Variants in ATP2B2 observed in about 807,000 individuals in gnomAD.
ATP2B2 encodes the protein plasma membrane calcium-transporting ATPase 2.
Under a neutral mutation model 120.0 loss-of-function variants are expected in ATP2B2, and 15 were observed. The ratio of observed to expected loss-of-function variants is 0.12; its 90% CI spans 0.08 to 0.19. ATP2B2 has a LOEUF of 0.19. Ranked by LOEUF, ATP2B2 falls within the 10% of genes least tolerant of loss-of-function variation. The probability of loss-of-function intolerance (pLI) is 1.00; values close to 1 mark genes in which losing one functional copy is unlikely to be tolerated. For synonymous variants in ATP2B2, 694 were observed against 700.3 expected (o/e 0.99, Z 0.14); for missense variants, 1,045 against 1,719.8 (o/e 0.61, Z 6.94).
intron 2 of ATP2B2, among the ~76,000 whole-genome samples, chr3:10,607,829 T>C (rs2069127251): frequency 6.6e-6 from 1 of 152,190 alleles, no homozygotes; most frequent in South Asian, 2.1e-4. Context: ...TGGCATTGAC[T>C]CAGCATCACC....
chr3:10,562,029 T>G (rs935242328), intron 2 of ATP2B2, among the ~76,000 whole-genome samples: 4 of 152,156 alleles, frequency 2.6e-5, no homozygotes, highest in African/African-American at 9.7e-5. Flanking sequence ...CCTTGTTCAT[T>G]TTAGAACATG....
intron 2 of ATP2B2, among the ~76,000 whole-genome samples, chr3:10,566,964 T>A (rs1423077410): frequency 2.0e-5 from 3 of 152,302 alleles, no homozygotes; most frequent in South Asian, 2.1e-4. Flanking sequence ...CAATAAGACA[T>A]CCGACACTGT....
At chr3:10,704,273 C>T (rs778991909) in intron 1 of ATP2B2, among the ~76,000 whole-genome samples, 10 of 152,202 alleles carry the variant, frequency 6.6e-5, no homozygotes, top group African/African-American at 9.7e-5. Flanking sequence ...AATAGATACA[C>T]ATGGAAAAGC....
intron 2 of ATP2B2, among the ~76,000 whole-genome samples, chr3:10,612,676 T>C (rs1196467853): frequency 6.6e-6 from 1 of 152,238 alleles, no homozygotes; most frequent in East Asian, 1.9e-4. Flanking sequence ...CAACTGCCTG[T>C]GCCACATTTC....
At position 10,345,380 on chromosome 3, in the gene ATP2B2, C is replaced by T; in HGVS notation, c.2703+4G>A. 2.5e-6 allele frequency: 4 copies of T among 1,614,162 alleles called. No individual in the cohort carries two copies. Among genetic ancestry groups the T allele is most frequent in the Non-Finnish European group, 3.4e-6 (4 of 1,180,000 alleles). On this transcript the variant is annotated splice_donor_region_variant and intron_variant, in intron 18 of 22. Coordinates refer to ENST00000360273, the MANE Select transcript of ATP2B2 (RefSeq NM_001001331.4). ...GGCTTTGGTGTGGTCTCCTGCGGAC[C>T]CACCTGCGTGATGCAGGCGCCTGTG...
chr3:10,461,957 C>A (rs1188903470), intron 1 of ATP2B2, among the ~76,000 whole-genome samples: 2 of 152,152 alleles, frequency 1.3e-5, no homozygotes, highest in African/African-American at 4.8e-5. Flanking sequence ...TGGCACCTCC[C>A]TTCCTTCTTC....
chr3:10,467,453 C>T (rs981338388), intron 1 of ATP2B2, among the ~76,000 whole-genome samples: 2 of 152,162 alleles, frequency 1.3e-5, no homozygotes, highest in African/African-American at 4.8e-5. Context: ...GGGGCTTGAC[C>T]GCTCATGCCC....
intron 2 of ATP2B2, among the ~76,000 whole-genome samples, chr3:10,594,602 G>T (rs1016955789): frequency 1.3e-5 from 2 of 151,508 alleles, no homozygotes; most frequent in Non-Finnish European, 2.9e-5. Flanking sequence ...AGCATTAGGC[G>T]ATATACCTAA....
chr3:10,424,599 A>G (rs2063089462), intron 2 of ATP2B2, among the ~76,000 whole-genome samples: 1 of 152,224 alleles, frequency 6.6e-6, no homozygotes, highest in Admixed American at 6.5e-5. Context: ...CAAAAAATCC[A>G]CAAGTCCTTC....
chr3:10,509,678 G>A (rs868056446), upstream of ATP2B2, among the ~76,000 whole-genome samples: 9 of 152,186 alleles, frequency 5.9e-5, no homozygotes, highest in Admixed American at 2.6e-4. Flanking sequence ...TTGACGGGCC[G>A]TGGACTGTGG....
At chr3:10,468,137 A>G (rs980897975) in intron 1 of ATP2B2, among the ~76,000 whole-genome samples, 1 of 152,222 alleles carries the variant, frequency 6.6e-6, no homozygotes, top group African/African-American at 2.4e-5. Flanking sequence ...AGATGGAAAG[A>G]CAGGGCCACC....
intron 2 of ATP2B2, among the ~76,000 whole-genome samples, chr3:10,607,758 T>A (rs969015846): frequency 6.6e-6 from 1 of 152,238 alleles, no homozygotes; most frequent in African/African-American, 2.4e-5. Flanking sequence ...TGTTTGAGTG[T>A]GGCAGCTATC....
In ATP2B2 at chr3:10,342,912, C is replaced by T. The variant is rs950422071; in HGVS notation, c.2757G>A (p.Thr919=). 3.1e-6 allele frequency: 5 copies of T among 1,614,050 alleles called. No individual in the cohort carries two copies. The highest frequency in any genetic ancestry group is 4.2e-6 in the Non-Finnish European group (5 of 1,179,964). Residue 919 remains threonine, a synonymous_variant, in exon 19 of 23, where the codon ACG becomes ACA. Transcript: ENST00000360273. This position sits in a 1 kb window ranked among gnomAD's most constrained non-coding sequence, Gnocchi z 4.4. ...CAGTGGCCAGTGCCAGCGAGGCAAA[C>T]GTGTCCATGATGAGGTTCACCCAGA... ...QMLWVNLIMD[T]FASLALATEP... is the part of the protein sequence containing the mutation.
intron 2 of ATP2B2, among the ~76,000 whole-genome samples, chr3:10,596,111 T>C (rs1277516296): frequency 6.6e-6 from 1 of 152,142 alleles, no homozygotes; most frequent in Admixed American, 6.5e-5. Flanking sequence ...CTAAGTAGCC[T>C]CTGTTCACTA....
intron 5 of ATP2B2, among the ~76,000 whole-genome samples, chr3:10,395,439 G>T (rs965908549): frequency 2.6e-5 from 4 of 152,206 alleles, no homozygotes; most frequent in African/African-American, 9.6e-5. Context: ...TTATGCATGA[G>T]AATACCCTTG....
At chr3:10,389,926 C>T (rs934444662) in intron 5 of ATP2B2, among the ~76,000 whole-genome samples, 12 of 152,168 alleles carry the variant, frequency 7.9e-5, no homozygotes, top group Middle Eastern at 3.2e-3. Context: ...CGAGGGAATG[C>T]GGCACTGCTG....
chr3:10,583,592 A>G (rs2068440725), intron 2 of ATP2B2, among the ~76,000 whole-genome samples: 1 of 152,182 alleles, frequency 6.6e-6, no homozygotes, highest in Non-Finnish European at 1.5e-5. Context: ...GCTGACTGCA[A>G]AAGATGCAAG....
intron 1 of ATP2B2, among the ~76,000 whole-genome samples, chr3:10,662,805 C>T (rs142944281): frequency 0.024 from 3,587 of 151,946 alleles, 63 homozygotes; most frequent in Non-Finnish European, 0.035. Flanking sequence ...ATGTTTATTG[C>T]GGCACTATTC....
Position 10,347,283 on chromosome 3 carries a change from TCCTGTCACCCA to T in ATP2B2, c.2405-1157_2405-1147del, listed in dbSNP as rs2060457563. 6.6e-6 allele frequency among the ~76,000 whole-genome samples: 1 copy of T among 152,206 alleles called. No individual in the cohort carries two copies. Among genetic ancestry groups the T allele is most frequent in the African/African-American group, 2.4e-5 (1 of 41,454 alleles). Reference sequence around the variant, plus strand: ...AGGCTGTTCCCTTGGCTGGAGGTACTCCTGTCACCCACCTGTACTGTATTTTTGGCTCAGAG... The same window carrying T: ...AGGCTGTTCCCTTGGCTGGAGGTACTCCTGTACTGTATTTTTGGCTCAGAG... On this transcript the variant is annotated intron_variant, in intron 16 of 22. Coordinates refer to ENST00000360273, the MANE Select transcript of ATP2B2 (RefSeq NM_001001331.4). The surrounding 1 kb of genome is among the most constrained non-coding windows in gnomAD (Gnocchi z 5.2).
Sources: gnomAD v4.1 joint callset for allele counts (sites outside exome capture counted in the v4.1 genomes callset) on GRCh38, gnomAD v4.1.1 for gene constraint, Gnocchi (gnomAD v3.1) non-coding constraint, MANE v1.5 for transcripts, NCBI Gene and HGNC (gene_info 2026-07-23, HGNC 2026-07-21) for gene names.